Variants in STXBP6 observed in about 807,000 individuals in gnomAD.
STXBP6 encodes the protein syntaxin binding protein 6, also known as syntaxin-binding protein 6.
Under a neutral mutation model 26.9 loss-of-function variants are expected in STXBP6, and 21 were observed. The observed-to-expected ratio is 0.78, with a 90% CI of 0.55 to 1.12. STXBP6 has a LOEUF of 1.12. Ranked by LOEUF, STXBP6 falls within the 50% of genes most tolerant of loss-of-function variation. The probability of loss-of-function intolerance (pLI) is 0.00; values close to 1 mark genes in which losing one functional copy is unlikely to be tolerated. For missense variants in STXBP6, 232 were observed against 257.9 expected (o/e 0.90, Z 0.69); for synonymous variants, 97 against 92.6 (o/e 1.05, Z -0.27).
chr14:24,814,292 C>T (rs1366507054), intron 5 of STXBP6, among the ~76,000 whole-genome samples: 1 of 152,240 alleles, frequency 6.6e-6, no homozygotes, highest in Non-Finnish European at 1.5e-5. Flanking sequence ...CCTGGCCACA[C>T]TCTGAACCTC....
chr14:25,011,851 C>T (rs979782278), intron 1 of STXBP6, among the ~76,000 whole-genome samples: 2 of 152,176 alleles, frequency 1.3e-5, no homozygotes, highest in East Asian at 1.9e-4. Context: ...GAGCCATTAA[C>T]GAATTCCACA....
intron 2 of STXBP6, among the ~76,000 whole-genome samples, chr14:24,920,162 C>T (rs916935992): frequency 5.9e-5 from 9 of 151,964 alleles, no homozygotes; most frequent in Non-Finnish European, 1.0e-4. Flanking sequence ...TGTACTTGCT[C>T]CTGGTACACA....
intron 2 of STXBP6, among the ~76,000 whole-genome samples, chr14:24,973,653 T>C (rs1309485448): frequency 1.3e-5 from 2 of 152,284 alleles, no homozygotes; most frequent in South Asian, 2.1e-4. Flanking sequence ...CCCAAAGTGC[T>C]GAGCATTATA....
chr14:24,898,270 A>G (rs2050587841), intron 2 of STXBP6, among the ~76,000 whole-genome samples: 1 of 152,260 alleles, frequency 6.6e-6, no homozygotes, highest in South Asian at 2.1e-4. Context: ...ACATACAGGA[A>G]GCATTTAATA....
At chr14:24,855,863 G>T in intron 4 of STXBP6, 73 bp downstream of exon 4, 2 of 1,421,912 alleles carry the variant, frequency 1.4e-6, no homozygotes, top group Non-Finnish European at 1.9e-6. Flanking sequence ...TTATGCTGCT[G>T]AACTCCTAAC....
Position 24,810,865 on chromosome 14 carries a change from C to CTGTGTG in STXBP6, c.*1838_*1843dup, listed in dbSNP as rs3219695. 12,568 of 137,490 alleles carry CTGTGTG rather than the reference C, an allele frequency of 0.091. 704 individuals are homozygous for CTGTGTG. The highest frequency in any genetic ancestry group is 0.14 in the African/African-American group (5,133 of 36,302). 8.5% of individuals were successfully genotyped at this position (137,490 alleles called of 1,614,324 possible). ...CCAATTTGGAAAGATAAATACATCT[C>CTGTGTG]TGTGTGTGTGTGTGTGTGTGTGTGT... is the stretch of plus-strand genomic sequence containing the variant. On this transcript the variant is annotated 3_prime_UTR_variant, in exon 6 of 6. Coordinates refer to ENST00000323944, the MANE Select transcript of STXBP6 (RefSeq NM_001394410.1).
At chr14:24,871,729 C>A (rs565570653) in intron 2 of STXBP6, among the ~76,000 whole-genome samples, 1 of 152,302 alleles carries the variant, frequency 6.6e-6, no homozygotes, top group African/African-American at 2.4e-5. Context: ...AAGAATGGAG[C>A]ACATTTTCCA....
At chr14:24,945,139 ATTTTTTTTTTTTT>A (rs552562019) in intron 2 of STXBP6, among the ~76,000 whole-genome samples, 30 of 100,718 alleles carry the variant, frequency 3.0e-4, no homozygotes, top group African/African-American at 9.8e-4. Flanking sequence ...CCAATTAGGA[ATTTTTTTTTTTTT>A]TTTTTTTTTT....
At chr14:24,867,099 C>T (rs1356921499) in intron 2 of STXBP6, among the ~76,000 whole-genome samples, 1 of 151,992 alleles carries the variant, frequency 6.6e-6, no homozygotes, top group Non-Finnish European at 1.5e-5. Context: ...AAGAGTTGGG[C>T]CCTTGAGAAA....
intron 2 of STXBP6, among the ~76,000 whole-genome samples, chr14:24,911,429 A>T (rs1331919482): frequency 6.6e-6 from 1 of 151,890 alleles, no homozygotes; most frequent in Non-Finnish European, 1.5e-5. Flanking sequence ...AAGGAAAGGA[A>T]GGAAAGAAAG....
intron 4 of STXBP6, among the ~76,000 whole-genome samples, chr14:24,854,782 GGTCA>G (rs1231638239): frequency 6.6e-6 from 1 of 152,010 alleles, no homozygotes; most frequent in Non-Finnish European, 1.5e-5. Flanking sequence ...TTTCCAAATA[GGTCA>G]GTGTTTGAAA....
chr14:25,020,938 A>G (rs2140424093), intron 1 of STXBP6, among the ~76,000 whole-genome samples: 1 of 152,306 alleles, frequency 6.6e-6, no homozygotes, highest in African/African-American at 2.4e-5. Flanking sequence ...AGAAAGCCAT[A>G]CGCAGGCAGA....
rs549303471 is a variant in STXBP6 at position 24,992,101 on chromosome 14, G to A, written c.-32-17251C>T. On this transcript the variant is annotated intron_variant, in intron 1 of 5. Coordinates refer to ENST00000323944, the MANE Select transcript of STXBP6 (RefSeq NM_001394410.1). ...TTTTCCAACCAGATTCTGAGCTACC[G>A]AAGAAACCCCAGCACCTAGCACAAT... 8.7e-4 allele frequency among the ~76,000 whole-genome samples: 133 copies of A among 152,228 alleles called. 1 individual carries two copies. Among genetic ancestry groups the A allele is most frequent in the African/African-American group, 3.0e-3 (125 of 41,542 alleles).
At chr14:25,009,027 C>G (rs1232843787) in intron 1 of STXBP6, among the ~76,000 whole-genome samples, 1 of 152,122 alleles carries the variant, frequency 6.6e-6, no homozygotes, top group Non-Finnish European at 1.5e-5. Context: ...ATGGAGAATT[C>G]TGAGAGCAAG....
At chr14:24,997,260 C>T (rs2074629306) in intron 1 of STXBP6, among the ~76,000 whole-genome samples, 2 of 152,110 alleles carry the variant, frequency 1.3e-5, no homozygotes, top group Non-Finnish European at 2.9e-5. Flanking sequence ...CCAAGTCAAC[C>T]TTCTTGTACT....
chr14:25,033,210 T>G (rs996816954), intron 1 of STXBP6, among the ~76,000 whole-genome samples: 3 of 152,216 alleles, frequency 2.0e-5, no homozygotes, highest in African/African-American at 7.2e-5. Context: ...GAGCCAACTC[T>G]GGCATCTCCC....
chr14:25,019,124 G>T (rs1360405903), intron 1 of STXBP6, among the ~76,000 whole-genome samples: 1 of 152,184 alleles, frequency 6.6e-6, no homozygotes, highest in African/African-American at 2.4e-5. Flanking sequence ...CTAATCATTT[G>T]TCCATAGAAA....
At chr14:24,829,222 AG>A (rs1310705499) in intron 4 of STXBP6, among the ~76,000 whole-genome samples, 1 of 152,212 alleles carries the variant, frequency 6.6e-6, no homozygotes, top group African/African-American at 2.4e-5. Context: ...TGTTCATTAC[AG>A]GTTTAAATAT....
intron 1 of STXBP6, among the ~76,000 whole-genome samples, chr14:25,004,691 T>G (rs1195034940): frequency 6.6e-6 from 1 of 152,240 alleles, no homozygotes; most frequent in South Asian, 2.1e-4. Flanking sequence ...CATTTCTATG[T>G]ATCCCGATAC....
Sources: gnomAD v4.1 joint callset for allele counts (sites outside exome capture counted in the v4.1 genomes callset) on GRCh38, gnomAD v4.1.1 for gene constraint, MANE v1.5 for transcripts, NCBI Gene and HGNC (gene_info 2026-07-23, HGNC 2026-07-21) for gene names.